Variants in COL19A1 observed in about 807,000 individuals in gnomAD.
The protein encoded by COL19A1 is collagen alpha-1(XIX) chain.
Under a neutral mutation model 190.2 loss-of-function variants are expected in COL19A1, and 159 were observed. The ratio of observed to expected loss-of-function variants is 0.84; its 90% CI spans 0.73 to 0.95. The LOEUF (loss-of-function observed/expected upper bound fraction) is 0.95, where lower values mean the gene tolerates loss of function less well. Among genes scored for constraint, COL19A1 ranks in the 40% least tolerant of loss-of-function variants. The pLI is 0.00. For synonymous variants in COL19A1, 509 were observed against 458.9 expected (o/e 1.11, Z -1.39); for missense variants, 1,418 against 1,431.9 (o/e 0.99, Z 0.16).
intron 31 of COL19A1, among the ~76,000 whole-genome samples, chr6:70,154,421 G>T (rs562579235): frequency 4.7e-4 from 71 of 152,180 alleles, no homozygotes; most frequent in African/African-American, 1.7e-3. Flanking sequence ...ATAAACATAC[G>T]TGTGCATGTG....
At chr6:70,146,742 A>G (rs566237040) in intron 26 of COL19A1, 39 bp downstream of exon 26, 2 of 1,595,926 alleles carry the variant, frequency 1.3e-6, no homozygotes, top group Non-Finnish European at 1.7e-6. Flanking sequence ...GGAATGAATA[A>G]TTAACAAAAT....
At chr6:69,868,173 T>A (rs1161845476) in intron 1 of COL19A1, among the ~76,000 whole-genome samples, 2 of 148,614 alleles carry the variant, frequency 1.3e-5, no homozygotes, top group African/African-American at 5.0e-5. Flanking sequence ...AATCAAACAC[T>A]GCTATAATTC....
At chr6:70,101,881 T>A (rs1232140002) in intron 15 of COL19A1, among the ~76,000 whole-genome samples, 1 of 152,148 alleles carries the variant, frequency 6.6e-6, no homozygotes, top group Non-Finnish European at 1.5e-5. Context: ...TCTTAGACCA[T>A]CTTTCATATA....
chr6:70,101,350 A>C (rs1783620067), intron 15 of COL19A1, among the ~76,000 whole-genome samples: 1 of 152,160 alleles, frequency 6.6e-6, no homozygotes, highest in African/African-American at 2.4e-5. Context: ...AATGTTTAAG[A>C]AAATAATTTT....
At chr6:69,921,425 A>ATTCATATAT (rs1202396884) in intron 4 of COL19A1, among the ~76,000 whole-genome samples, 1 of 97,924 alleles carries the variant, frequency 1.0e-5, no homozygotes, top group African/African-American at 5.3e-5. Context: ...TATCATATAT[A>ATTCATATAT]TCATATATAT....
At chr6:70,113,634 G>T (rs915728674) in intron 16 of COL19A1, among the ~76,000 whole-genome samples, 2 of 152,056 alleles carry the variant, frequency 1.3e-5, no homozygotes, top group African/African-American at 2.4e-5. Context: ...AACCTCAAAA[G>T]TTATTTAAGA....
At chr6:69,929,999 A>G (rs1056000803) in intron 6 of COL19A1, among the ~76,000 whole-genome samples, 4 of 152,210 alleles carry the variant, frequency 2.6e-5, no homozygotes, top group African/African-American at 7.2e-5. Flanking sequence ...ATGATACAAA[A>G]TATAAACTTG....
At chr6:69,880,141 G>A (rs1768432126) in intron 2 of COL19A1, among the ~76,000 whole-genome samples, 1 of 152,184 alleles carries the variant, frequency 6.6e-6, no homozygotes, top group Non-Finnish European at 1.5e-5. Flanking sequence ...AAGGTTGACA[G>A]ATCTTTAGAG....
chr6:69,877,343 A>T (rs1768190000), intron 1 of COL19A1, among the ~76,000 whole-genome samples: 1 of 152,226 alleles, frequency 6.6e-6, no homozygotes, highest in Admixed American at 6.5e-5. Context: ...CCTATTTACT[A>T]AATCTTTTAT....
Position 70,199,659 on chromosome 6 carries a change from C to G in COL19A1, c.3146C>G (p.Ala1049Gly). ...CTCAAGCTGCCAGCAGCAATGTTGG[C>G]TGCCCAAGCTTATGGGAGACCTGGG... Reference protein sequence around the residue: ...SQLKLPAAMLAAQAYGRPGPP... With the variant: ...SQLKLPAAMLGAQAYGRPGPP... The change falls in exon 49 of 51, where the codon GCT becomes GGT. Residue 1049 changes from alanine to glycine, a missense_variant. Coordinates refer to ENST00000620364, the MANE Select transcript of COL19A1 (RefSeq NM_001858.6). The G allele has an allele frequency of 6.2e-7, 1 of 1,608,328 alleles. No homozygotes were observed. Among genetic ancestry groups the G allele is most frequent in the Non-Finnish European group, 8.5e-7 (1 of 1,176,506 alleles).
At chr6:69,943,036 C>G (rs192810277) in intron 9 of COL19A1, among the ~76,000 whole-genome samples, 1 of 152,146 alleles carries the variant, frequency 6.6e-6, no homozygotes, top group Non-Finnish European at 1.5e-5. Context: ...AAAAGTTCCC[C>G]TTTCTCCACA....
chr6:70,021,316 AGTTTT>A (rs754567029), intron 11 of COL19A1, among the ~76,000 whole-genome samples: 7 of 152,070 alleles, frequency 4.6e-5, no homozygotes, highest in Non-Finnish European at 1.0e-4. Context: ...ATTTTTATTT[AGTTTT>A]ATTACCACTG....
At chr6:69,998,126 A>T (rs186168898) in intron 11 of COL19A1, among the ~76,000 whole-genome samples, 1 of 152,304 alleles carries the variant, frequency 6.6e-6, no homozygotes, top group East Asian at 1.9e-4. Flanking sequence ...CTTCAATGAA[A>T]CTATCAAAGA....
intron 6 of COL19A1, among the ~76,000 whole-genome samples, chr6:69,930,009 G>A (rs1037406925): frequency 6.6e-6 from 1 of 152,008 alleles, no homozygotes; most frequent in Non-Finnish European, 1.5e-5. Context: ...ATATAAACTT[G>A]GTCTAAGTTC....
At chr6:69,885,792 G>A (rs1269745745) in intron 2 of COL19A1, among the ~76,000 whole-genome samples, 2 of 151,962 alleles carry the variant, frequency 1.3e-5, no homozygotes, top group African/African-American at 2.4e-5. Flanking sequence ...TCTATGCTGT[G>A]GAAAATGGAA....
intron 49 of COL19A1, among the ~76,000 whole-genome samples, chr6:70,204,694 C>T (rs1250247940): frequency 6.6e-6 from 1 of 152,046 alleles, no homozygotes; most frequent in Non-Finnish European, 1.5e-5. Flanking sequence ...TTTGGAATTG[C>T]GTTACACTCT....
At chr6:69,889,334 A>T (rs1769166589) in intron 2 of COL19A1, among the ~76,000 whole-genome samples, 1 of 152,212 alleles carries the variant, frequency 6.6e-6, no homozygotes, top group Non-Finnish European at 1.5e-5. Context: ...AAGCAGGAAA[A>T]ATGGACAAGT....
intron 4 of COL19A1, among the ~76,000 whole-genome samples, chr6:69,921,284 CAT>C (rs1554166065): frequency 3.9e-5 from 5 of 129,140 alleles, no homozygotes; most frequent in African/African-American, 1.5e-4. Context: ...TATCATATAT[CAT>C]ATATCATATA....
At chr6:69,872,162 T>C (rs1767881914) in intron 1 of COL19A1, among the ~76,000 whole-genome samples, 1 of 152,184 alleles carries the variant, frequency 6.6e-6, no homozygotes, top group Non-Finnish European at 1.5e-5. Flanking sequence ...GTTTGTTTTT[T>C]GTTTTTCATT....
Sources: allele counts gnomAD v4.1 joint callset (sites outside exome capture counted in the v4.1 genomes callset), GRCh38; gene constraint gnomAD v4.1.1; transcripts MANE v1.5; gene names NCBI Gene and HGNC (gene_info 2026-07-23, HGNC 2026-07-21).